The following SHOC2 variants were observed in gnomAD, a reference collection of about 807,000 sequenced individuals.
SHOC2 encodes SHOC2 leucine rich repeat scaffold protein.
A neutral mutation model predicts 50.2 loss-of-function variants in SHOC2; 4 were observed. That is an observed-to-expected ratio of 0.08 (90% CI 0.04 to 0.18). SHOC2 has a LOEUF of 0.18. SHOC2 is among the 10% of genes least tolerant of loss of function. SHOC2 has a pLI of 1.00. For missense variants in SHOC2, 388 were observed against 669.6 expected (o/e 0.58, Z 4.64); for synonymous variants, 218 against 244.5 (o/e 0.89, Z 1.01).
chr10:110,975,085 T>G (rs1356208807), intron 2 of SHOC2, among the ~76,000 whole-genome samples: 1 of 151,914 alleles, frequency 6.6e-6, no homozygotes. Flanking sequence ...TACAATAAAC[T>G]AAACTACAAA....
At position 110,978,551 on chromosome 10, in the gene SHOC2, C is replaced by G. The variant is rs577208810; in HGVS notation, c.704-7077C>G. Among the ~76,000 whole-genome samples the G allele has an allele frequency of 3.9e-4, 59 of 152,304 alleles. No homozygotes were observed. The South Asian group carries it at 7.5e-3, about 19-fold the overall frequency. ...CTTTTGGAATTTTGTTTATTACTCT[C>G]CAGCAACTTGACAAGACTGAAAATC... On this transcript the variant is annotated intron_variant, in intron 2 of 8. Coordinates refer to ENST00000369452, the MANE Select transcript of SHOC2 (RefSeq NM_007373.4).
At chr10:110,951,062 C>T (rs1234578484) in intron 1 of SHOC2, among the ~76,000 whole-genome samples, 4 of 152,194 alleles carry the variant, frequency 2.6e-5, no homozygotes, top group South Asian at 4.1e-4. Flanking sequence ...GAATAAGCTT[C>T]GGCACAGCAA....
At chr10:110,999,860 C>G in intron 3 of SHOC2, among the ~76,000 whole-genome samples, 1 of 151,346 alleles carries the variant, frequency 6.6e-6, no homozygotes, top group Non-Finnish European at 1.5e-5. Context: ...ATAACTTTCA[C>G]TTTGGTTTGT....
At chr10:110,961,976 G>GA (rs1422225635) in intron 1 of SHOC2, among the ~76,000 whole-genome samples, 17 of 151,886 alleles carry the variant, frequency 1.1e-4, no homozygotes, top group Non-Finnish European at 1.6e-4. Context: ...AAAATACCTA[G>GA]ACCCCCTCTC....
At chr10:110,928,274 A>C (rs183688375) in intron 1 of SHOC2, among the ~76,000 whole-genome samples, 79 of 152,168 alleles carry the variant, frequency 5.2e-4, no homozygotes, top group African/African-American at 1.7e-3. Flanking sequence ...CTGAGATCAC[A>C]CTACTGCACT....
chr10:110,984,862 CAT>C (rs1375959100), intron 2 of SHOC2, among the ~76,000 whole-genome samples: 1 of 152,062 alleles, frequency 6.6e-6, no homozygotes, highest in African/African-American at 2.4e-5. Flanking sequence ...TATTTGAAAG[CAT>C]ATATGAGATT....
At chr10:111,004,549 T>TA in intron 4 of SHOC2, 57 bp from the exon 5 acceptor site, 11 of 1,322,630 alleles carry the variant, frequency 8.3e-6, no homozygotes, top group African/African-American at 1.4e-5. Flanking sequence ...TGCTGTTCTA[T>TA]AAAAAATGAG....
intron 3 of SHOC2, among the ~76,000 whole-genome samples, chr10:110,999,526 C>T (rs1044794340): frequency 2.0e-5 from 3 of 151,932 alleles, no homozygotes; most frequent in African/African-American, 7.3e-5. Flanking sequence ...CACTTAAGGT[C>T]AGGAGTTCAA....
intron 2 of SHOC2, among the ~76,000 whole-genome samples, chr10:110,980,518 G>A (rs535848177): frequency 9.2e-5 from 14 of 152,078 alleles, no homozygotes; most frequent in Admixed American, 2.6e-4. Flanking sequence ...ACTATTTCTC[G>A]TGGGCTAATT....
intron 1 of SHOC2, among the ~76,000 whole-genome samples, chr10:110,945,456 T>G (rs1459644760): frequency 1.3e-5 from 2 of 152,216 alleles, no homozygotes; most frequent in Non-Finnish European, 2.9e-5. Flanking sequence ...TCATCATTCT[T>G]AATGAGATTG....
chr10:110,971,235 A>G (rs1847776242), intron 2 of SHOC2, among the ~76,000 whole-genome samples: 1 of 152,062 alleles, frequency 6.6e-6, no homozygotes, highest in Non-Finnish European at 1.5e-5. Context: ...GTATATAGTG[A>G]GAGATAGGGG....
rs966151897 is a variant in SHOC2 at position 110,933,868 on chromosome 10, A to AT, written c.-235+14221dup. 1.3e-3 allele frequency among the ~76,000 whole-genome samples: 195 copies of AT among 149,736 alleles called. 3 individuals carry two copies. The East Asian group carries it at 0.031, about 24-fold the overall frequency. ...AGTCCAGTGATGCCCATATCTTTTGATTTTTTTTTTAACGAAAGTTTGGAT... is the reference window on the plus strand; with the variant it reads ...AGTCCAGTGATGCCCATATCTTTTGATTTTTTTTTTTAACGAAAGTTTGGAT... On this transcript the variant is annotated intron_variant, in intron 1 of 8. Coordinates refer to ENST00000369452, the MANE Select transcript of SHOC2 (RefSeq NM_007373.4).
intron 1 of SHOC2, among the ~76,000 whole-genome samples, chr10:110,941,395 G>A (rs993000621): frequency 6.6e-6 from 1 of 151,686 alleles, no homozygotes; most frequent in Non-Finnish European, 1.5e-5. Context: ...GTAGTGGCGC[G>A]ATCTTGGCTC....
intron 1 of SHOC2, among the ~76,000 whole-genome samples, chr10:110,927,789 A>G (rs1422147938): frequency 6.6e-6 from 1 of 152,250 alleles, no homozygotes; most frequent in African/African-American, 2.4e-5. Context: ...ATAGTCAGAT[A>G]TAATGATGGT....
intron 1 of SHOC2, among the ~76,000 whole-genome samples, chr10:110,945,891 A>G (rs1256508655): frequency 6.6e-6 from 1 of 151,984 alleles, no homozygotes; most frequent in Non-Finnish European, 1.5e-5. Context: ...CTCACCCCCA[A>G]TCAGGTTCTG....
At chr10:110,980,890 C>G in intron 2 of SHOC2, among the ~76,000 whole-genome samples, 1 of 152,074 alleles carries the variant, frequency 6.6e-6, no homozygotes, top group East Asian at 1.9e-4. Flanking sequence ...CATTCTGACA[C>G]TTTATTTCCT....
At chr10:110,969,538 A>G (rs1456102150) in intron 2 of SHOC2, among the ~76,000 whole-genome samples, 1 of 152,188 alleles carries the variant, frequency 6.6e-6, no homozygotes, top group African/African-American at 2.4e-5. Context: ...TGGGAAGGAA[A>G]TCGTTGCTCA....
chr10:110,926,855 G>A (rs1041341311), intron 1 of SHOC2, among the ~76,000 whole-genome samples: 1 of 152,112 alleles, frequency 6.6e-6, no homozygotes. Context: ...GTAGGTAACA[G>A]TATTTATTGA....
intron 3 of SHOC2, among the ~76,000 whole-genome samples, chr10:110,990,409 C>T (rs1276977026): frequency 1.3e-5 from 2 of 152,164 alleles, no homozygotes; most frequent in African/African-American, 4.8e-5. Flanking sequence ...CACCAATCAG[C>T]ACCCTGTGTT....
Sources: gnomAD v4.1 joint callset for allele counts (sites outside exome capture counted in the v4.1 genomes callset) on GRCh38, gnomAD v4.1.1 for gene constraint, MANE v1.5 for transcripts, NCBI Gene and HGNC (gene_info 2026-07-23, HGNC 2026-07-21) for gene names.